The following NR2F1-AS1 variants were observed in gnomAD, a reference collection of about 807,000 sequenced individuals.
NR2F1-AS1 encodes NR2F1 regulatory antisense RNA 1.
At chr5:93,575,513 G>A (rs184678066) in intron 1 of NR2F1-AS1, among the ~76,000 whole-genome samples, 75 of 152,186 alleles carry the variant, frequency 4.9e-4, no homozygotes, top group African/African-American at 1.8e-3. Flanking sequence ...ACTATTTATT[G>A]TATTTTAACC....
chr5:93,571,284 A>G (rs1210531504), intron 1 of NR2F1-AS1: 1 of 151,842 alleles, frequency 6.6e-6, no homozygotes, highest in Non-Finnish European at 1.5e-5. Context: ...TTGCTGACCA[A>G]GGAAAGAGTC....
At chr5:93,575,690 G>T (rs1339141215) in intron 1 of NR2F1-AS1, among the ~76,000 whole-genome samples, 1 of 151,988 alleles carries the variant, frequency 6.6e-6, no homozygotes, top group Non-Finnish European at 1.5e-5. Context: ...GATGACTTCT[G>T]GAAAAAGCTG....
intron 4 of NR2F1-AS1, among the ~76,000 whole-genome samples, chr5:93,427,159 C>T (rs974184501): frequency 5.3e-5 from 8 of 152,002 alleles, no homozygotes; most frequent in African/African-American, 1.9e-4. Flanking sequence ...TTCCTCCTTA[C>T]CTAAGGATAC....
chr5:93,583,735 G>A (rs1180970997), upstream of NR2F1-AS1: 1 of 152,142 alleles, frequency 6.6e-6, no homozygotes, highest in Non-Finnish European at 1.5e-5. Flanking sequence ...GCAGAAGAAG[G>A]AGCAAGAAAG....
chr5:93,546,896 C>A (rs1450519503), intron 4 of NR2F1-AS1, among the ~76,000 whole-genome samples: 2 of 151,500 alleles, frequency 1.3e-5, no homozygotes, highest in African/African-American at 2.4e-5. Context: ...TTAATGTCTA[C>A]AATTAGCTAA....
At chr5:93,462,146 T>C (rs1750108837) in intron 4 of NR2F1-AS1, among the ~76,000 whole-genome samples, 2 of 152,248 alleles carry the variant, frequency 1.3e-5, no homozygotes. Context: ...GGTTTGGCTG[T>C]GTCCCCACCC....
intron 4 of NR2F1-AS1, among the ~76,000 whole-genome samples, chr5:93,487,370 C>T (rs1224977501): frequency 1.3e-5 from 2 of 152,162 alleles, no homozygotes; most frequent in African/African-American, 2.4e-5. Context: ...CCCAGAATCT[C>T]CTCAAGCTGA....
upstream of NR2F1-AS1, among the ~76,000 whole-genome samples, chr5:93,582,668 A>C (rs1428226827): frequency 6.6e-6 from 1 of 152,170 alleles, no homozygotes; most frequent in Non-Finnish European, 1.5e-5. Context: ...AATTTTAAAA[A>C]CTTTTCAGAA....
chr5:93,544,764 A>C (rs1431412849), intron 4 of NR2F1-AS1: 1 of 152,070 alleles, frequency 6.6e-6, no homozygotes, highest in Admixed American at 6.6e-5. Context: ...TCTACTAAAA[A>C]TACAAAAATT....
At position 93,579,002 on chromosome 5, in the gene NR2F1-AS1, G is replaced by A. The variant is rs1036786746; in HGVS notation, n.313+1465C>T. Reference sequence around the variant, plus strand: ...TAAGCTGACCTCTCAGTGCCTCTAGGGAAGACATTTTTGCTGGAGGCAGGG... The same window carrying A: ...TAAGCTGACCTCTCAGTGCCTCTAGAGAAGACATTTTTGCTGGAGGCAGGG... On this transcript the variant is annotated intron_variant and non_coding_transcript_variant, in intron 1 of 5. Coordinates refer to ENST00000660523, the Ensembl canonical transcript of NR2F1-AS1. This position sits in a 1 kb window ranked among gnomAD's most constrained non-coding sequence, Gnocchi z 5.1. Among the ~76,000 whole-genome samples, 16 of 152,154 alleles carry A rather than the reference G, an allele frequency of 1.1e-4. No homozygotes were observed. The highest frequency in any genetic ancestry group is 1.6e-4 in the Non-Finnish European group (11 of 68,020).
intron 4 of NR2F1-AS1, among the ~76,000 whole-genome samples, chr5:93,418,318 A>C (rs1749010699): frequency 6.6e-6 from 1 of 152,148 alleles, no homozygotes; most frequent in South Asian, 2.1e-4. Flanking sequence ...ATAAAAGAAT[A>C]AACTTCCCAC....
chr5:93,472,661 CA>C, intron 4 of NR2F1-AS1, among the ~76,000 whole-genome samples: 1 of 151,002 alleles, frequency 6.6e-6, no homozygotes, highest in African/African-American at 2.4e-5. Flanking sequence ...CACATATATA[CA>C]AAAAAAACAG....
rs188627339 is a variant in NR2F1-AS1 at position 93,521,217 on chromosome 5, C to A, written n.638+32544G>T. 7.3e-3 allele frequency among the ~76,000 whole-genome samples: 1,107 copies of A among 152,192 alleles called. 17 individuals carry two copies. The highest frequency in any genetic ancestry group is 6.9e-3 in the Non-Finnish European group (471 of 67,996). ...TCCTTACACCACATACAAAAATCAA[C>A]CCAAGATGGATTAAAGATTTAAATG... On this transcript the variant is annotated intron_variant and non_coding_transcript_variant, in intron 4 of 5. Coordinates refer to ENST00000660523, the Ensembl canonical transcript of NR2F1-AS1.
chr5:93,439,099 C>T (rs1370217710), intron 4 of NR2F1-AS1, among the ~76,000 whole-genome samples: 1 of 152,168 alleles, frequency 6.6e-6, no homozygotes, highest in Non-Finnish European at 1.5e-5. Flanking sequence ...CAATGACTTC[C>T]TCTGTTAGAA....
At chr5:93,567,588 A>G (rs1432486691) in intron 1 of NR2F1-AS1, among the ~76,000 whole-genome samples, 1 of 152,210 alleles carries the variant, frequency 6.6e-6, no homozygotes, top group Non-Finnish European at 1.5e-5. Context: ...GAAACAAATT[A>G]ATCCTTTGCA....
At chr5:93,507,638 A>G (rs1276953006) in intron 4 of NR2F1-AS1, among the ~76,000 whole-genome samples, 1 of 152,160 alleles carries the variant, frequency 6.6e-6, no homozygotes, top group African/African-American at 2.4e-5. Context: ...GATTACAGGC[A>G]TGAAACACCA....
intron 4 of NR2F1-AS1, among the ~76,000 whole-genome samples, chr5:93,549,074 A>G (rs1418239667): frequency 6.6e-6 from 1 of 152,172 alleles, no homozygotes; most frequent in Non-Finnish European, 1.5e-5. Flanking sequence ...TTAATCCCAT[A>G]AAAGATGTTT....
chr5:93,536,993 G>A (rs879262925), intron 4 of NR2F1-AS1, among the ~76,000 whole-genome samples: 1 of 152,194 alleles, frequency 6.6e-6, no homozygotes, highest in African/African-American at 2.4e-5. Flanking sequence ...GGTAAGACAT[G>A]ACTTGCTCCT....
chr5:93,489,311 C>G (rs1750789265), intron 4 of NR2F1-AS1, among the ~76,000 whole-genome samples: 1 of 151,730 alleles, frequency 6.6e-6, no homozygotes, highest in Admixed American at 6.6e-5. Flanking sequence ...CAGTCAGCAG[C>G]CATCAACATC....
Sources: gnomAD v4.1 joint callset for allele counts (sites outside exome capture counted in the v4.1 genomes callset) on GRCh38, gnomAD v4.1.1 for gene constraint, Gnocchi (gnomAD v3.1) non-coding constraint, MANE v1.5 for transcripts, NCBI Gene and HGNC (gene_info 2026-07-23, HGNC 2026-07-21) for gene names.